The following TAMM41 variants were observed in gnomAD, a reference collection of about 807,000 sequenced individuals.
The protein encoded by TAMM41 is TAM41 mitochondrial translocator assembly and maintenance homolog.
In TAMM41, 36 loss-of-function variants were observed where a neutral mutation model predicts 44.1. The ratio of observed to expected loss-of-function variants is 0.82; its 90% CI spans 0.63 to 1.08. The LOEUF (loss-of-function observed/expected upper bound fraction) is 1.08, where lower values mean the gene tolerates loss of function less well. Ranked by LOEUF, TAMM41 falls within the 50% of genes least tolerant of loss-of-function variation. The pLI is 0.00. For synonymous variants in TAMM41, 164 were observed against 153.1 expected (o/e 1.07, Z -0.53); for missense variants, 417 against 404.3 (o/e 1.03, Z -0.27).
the TAMM41 span, among the ~76,000 whole-genome samples, chr3:11,728,611 C>T: frequency 6.6e-6 from 1 of 152,180 alleles, no homozygotes; most frequent in Middle Eastern, 3.2e-3. Flanking sequence ...CCACGATGGG[C>T]CCATTGTGAG....
the TAMM41 span, among the ~76,000 whole-genome samples, chr3:11,773,996 G>A: frequency 2.0e-5 from 3 of 152,178 alleles, no homozygotes; most frequent in Non-Finnish European, 2.9e-5. Flanking sequence ...GGCTGAGGCA[G>A]GAGAATCACT....
At chr3:11,813,828 A>G (rs899193087) in intron 5 of TAMM41, among the ~76,000 whole-genome samples, 2,104 of 143,092 alleles carry the variant, frequency 0.015, 28 homozygotes, top group Non-Finnish European at 0.022. Flanking sequence ...GTACAAATAT[A>G]TGTGTGTGTG....
At chr3:11,843,781 T>C (rs1480347671) in intron 2 of TAMM41, 1 of 470,990 alleles carries the variant, frequency 2.1e-6, no homozygotes, top group Admixed American at 3.7e-5. Context: ...GCAATGACAG[T>C]TAATGGGACA....
chr3:11,802,126 G>T (rs533005248), intron 7 of TAMM41, among the ~76,000 whole-genome samples: 3 of 152,178 alleles, frequency 2.0e-5, no homozygotes, highest in Non-Finnish European at 2.9e-5. Context: ...GCTGAGGTGG[G>T]AGGATTGCTT....
intron 7 of TAMM41, among the ~76,000 whole-genome samples, chr3:11,798,192 T>C (rs891908999): frequency 2.0e-5 from 3 of 152,148 alleles, no homozygotes; most frequent in Non-Finnish European, 4.4e-5. Flanking sequence ...CAAGGACACA[T>C]GCATATGTAT....
chr3:11,799,042 C>T lies in TAMM41; in HGVS notation c.938-8461G>A, dbSNP rs148775920. Among the ~76,000 whole-genome samples the T allele has an allele frequency of 5.6e-3, 855 of 151,992 alleles. 9 individuals are homozygous for T. Among genetic ancestry groups the T allele is most frequent in the African/African-American group, 0.02 (814 of 41,436 alleles). On this transcript the variant is annotated intron_variant, in intron 7 of 7. Transcript: ENST00000455809. ...CAAGCCTGGGCAACATAGTGGGACT[C>T]CATCTCTACAAAAAACAAAAACAAA...
the TAMM41 span, among the ~76,000 whole-genome samples, chr3:11,742,456 T>A: frequency 2.0e-5 from 3 of 150,398 alleles, no homozygotes; most frequent in Non-Finnish European, 4.4e-5. Context: ...CTCCATGGGA[T>A]GGAAGAACCA....
At chr3:11,737,237 C>G in the TAMM41 span, among the ~76,000 whole-genome samples, 6 of 142,568 alleles carry the variant, frequency 4.2e-5, no homozygotes, top group Admixed American at 4.2e-4. Flanking sequence ...CAGACACCCA[C>G]CCCCACCTGC....
At chr3:11,782,759 C>T in the TAMM41 span, among the ~76,000 whole-genome samples, 1 of 152,166 alleles carries the variant, frequency 6.6e-6, no homozygotes, top group Non-Finnish European at 1.5e-5. Context: ...CTCCTTTATT[C>T]CTCCCCACAC....
chr3:11,795,627 C>A (rs1471788599), intron 7 of TAMM41, among the ~76,000 whole-genome samples: 1 of 152,168 alleles, frequency 6.6e-6, no homozygotes, highest in Non-Finnish European at 1.5e-5. Context: ...TCAAAAGAAA[C>A]CCTGAACTCC....
At chr3:11,808,728 TTTTG>T (rs1346989785) in intron 6 of TAMM41, 1 of 644,230 alleles carries the variant, frequency 1.6e-6, no homozygotes, top group East Asian at 1.4e-4. Context: ...AGGCTCTTTT[TTTTG>T]TTTGTTTTTT....
the TAMM41 span, among the ~76,000 whole-genome samples, chr3:11,740,015 C>T: frequency 2.0e-5 from 3 of 152,012 alleles, no homozygotes; most frequent in South Asian, 6.2e-4. Context: ...CAAGAGGAAT[C>T]AGAGCTCATG....
At chr3:11,843,796 G>A (rs2079552121) in intron 2 of TAMM41, 1 of 498,760 alleles carries the variant, frequency 2.0e-6, no homozygotes, top group Non-Finnish European at 3.5e-6. Context: ...GGGACATGAG[G>A]AAGGACTCCA....
the TAMM41 span, among the ~76,000 whole-genome samples, chr3:11,723,925 T>A: frequency 6.6e-6 from 1 of 151,702 alleles, no homozygotes; most frequent in Non-Finnish European, 1.5e-5. Flanking sequence ...AGACACAAGA[T>A]TGGCCCAGAG....
intron 7 of TAMM41, among the ~76,000 whole-genome samples, chr3:11,806,473 A>T (rs1175631291): frequency 6.6e-6 from 1 of 151,884 alleles, no homozygotes. Context: ...GAAAAGAGAG[A>T]GTTCCTGGAA....
intron 7 of TAMM41, among the ~76,000 whole-genome samples, chr3:11,794,869 C>T (rs142946244): frequency 1.1e-3 from 167 of 152,238 alleles, no homozygotes; most frequent in African/African-American, 3.9e-3. Context: ...ATTAGTATCC[C>T]CAAAACATCC....
intron 3 of TAMM41, among the ~76,000 whole-genome samples, chr3:11,838,082 C>T (rs146394456): frequency 1.3e-5 from 2 of 152,228 alleles, no homozygotes; most frequent in African/African-American, 2.4e-5. Flanking sequence ...AAGCCTCCCC[C>T]ACTTCAGACA....
chr3:11,828,188 G>T (rs115787352), intron 4 of TAMM41, among the ~76,000 whole-genome samples: 328 of 151,874 alleles, frequency 2.2e-3, no homozygotes, highest in African/African-American at 7.7e-3. Context: ...TTTGCCTGGG[G>T]TAGGTCTCAT....
the TAMM41 span, among the ~76,000 whole-genome samples, chr3:11,749,923 A>C: frequency 7.0e-6 from 1 of 142,814 alleles, no homozygotes; most frequent in Non-Finnish European, 1.5e-5. Flanking sequence ...TTTTTGACGG[A>C]GTCTTGCTCT....
Sources: allele counts gnomAD v4.1 joint callset (sites outside exome capture counted in the v4.1 genomes callset), GRCh38; gene constraint gnomAD v4.1.1; transcripts MANE v1.5; gene names NCBI Gene and HGNC (gene_info 2026-07-23, HGNC 2026-07-21).